Variants in GALNTL6 observed in about 807,000 individuals in gnomAD.
GALNTL6 encodes polypeptide N-acetylgalactosaminyltransferase like 6, also known as polypeptide N-acetylgalactosaminyltransferase-like 6.
In GALNTL6, 46 loss-of-function variants were observed where a neutral mutation model predicts 73.7. That is an observed-to-expected ratio of 0.62 (90% confidence interval 0.49 to 0.80). GALNTL6 has a LOEUF of 0.80. GALNTL6 is among the 30% of genes least tolerant of loss of function. The probability of loss-of-function intolerance (pLI) is 0.00; values close to 1 mark genes in which losing one functional copy is unlikely to be tolerated. For synonymous variants in GALNTL6, 259 were observed against 263.7 expected (o/e 0.98, Z 0.17); for missense variants, 604 against 755.0 (o/e 0.80, Z 2.34).
chr4:172,938,335 G>A (rs536749763), intron 9 of GALNTL6, among the ~76,000 whole-genome samples: 48 of 152,262 alleles, frequency 3.2e-4, no homozygotes, highest in African/African-American at 1.1e-3. Flanking sequence ...GTAAAAGCCA[G>A]ACCACCCCAA....
intron 2 of GALNTL6, among the ~76,000 whole-genome samples, chr4:171,823,891 C>G (rs1167836418): frequency 6.7e-6 from 1 of 150,248 alleles, no homozygotes; most frequent in Non-Finnish European, 1.5e-5. Context: ...CAACTAATAT[C>G]CAGTTGCCAA....
intron 10 of GALNTL6, among the ~76,000 whole-genome samples, chr4:172,981,797 T>C (rs1209511061): frequency 1.9e-5 from 1 of 52,136 alleles, no homozygotes; most frequent in East Asian, 6.2e-4. Context: ...TATGAACGTC[T>C]TTTTTTTTTT....
intron 2 of GALNTL6, among the ~76,000 whole-genome samples, chr4:172,097,286 C>G (rs1046132690): frequency 2.6e-5 from 4 of 152,174 alleles, no homozygotes; most frequent in African/African-American, 9.6e-5. Flanking sequence ...CAAATATCCA[C>G]GAAGTGCTAT....
intron 5 of GALNTL6, among the ~76,000 whole-genome samples, chr4:172,682,324 A>G (rs2111234040): frequency 6.6e-6 from 1 of 152,340 alleles, no homozygotes; most frequent in Non-Finnish European, 1.5e-5. Flanking sequence ...ATGGAGTTGT[A>G]TCTCATTAAA....
chr4:171,890,747 A>T (rs1736737381), intron 2 of GALNTL6, among the ~76,000 whole-genome samples: 1 of 152,178 alleles, frequency 6.6e-6, no homozygotes. Context: ...GAAATTAAAC[A>T]TTGAAATAAC....
At chr4:172,992,842 T>G (rs1398609205) in intron 10 of GALNTL6, among the ~76,000 whole-genome samples, 1 of 152,188 alleles carries the variant, frequency 6.6e-6, no homozygotes, top group Non-Finnish European at 1.5e-5. Flanking sequence ...ACAAAGGTCA[T>G]CGGATCGCTA....
chr4:172,185,000 A>G (rs1232031878), intron 2 of GALNTL6, among the ~76,000 whole-genome samples: 3 of 152,178 alleles, frequency 2.0e-5, no homozygotes, highest in Non-Finnish European at 4.4e-5. Context: ...TCCAATACAT[A>G]CAGTTGGGCA....
intron 5 of GALNTL6, among the ~76,000 whole-genome samples, chr4:172,720,357 G>A (rs954366775): frequency 2.0e-5 from 3 of 152,108 alleles, no homozygotes; most frequent in Admixed American, 6.5e-5. Flanking sequence ...CTTCCCGCCC[G>A]CCATTCAAAT....
intron 2 of GALNTL6, among the ~76,000 whole-genome samples, chr4:171,989,311 A>G (rs184708741): frequency 2.6e-4 from 39 of 152,320 alleles, no homozygotes; most frequent in African/African-American, 8.9e-4. Context: ...CGAAGCCGAG[A>G]AGATCTGGGA....
intron 2 of GALNTL6, among the ~76,000 whole-genome samples, chr4:171,998,302 G>A (rs1397531093): frequency 6.6e-6 from 1 of 152,106 alleles, no homozygotes; most frequent in Non-Finnish European, 1.5e-5. Flanking sequence ...TGGTTCATGT[G>A]ACTGTGGAGG....
At chr4:172,988,756 G>A (rs1439878881) in intron 10 of GALNTL6, among the ~76,000 whole-genome samples, 1 of 152,244 alleles carries the variant, frequency 6.6e-6, no homozygotes, top group Non-Finnish European at 1.5e-5. Flanking sequence ...TCCAGCTCCT[G>A]CTATAGCTAA....
At chr4:172,250,940 A>C (rs1737844545) in intron 3 of GALNTL6, among the ~76,000 whole-genome samples, 1 of 152,156 alleles carries the variant, frequency 6.6e-6, no homozygotes, top group Non-Finnish European at 1.5e-5. Flanking sequence ...GTCAATTTTT[A>C]TTGCCTTCTG....
intron 2 of GALNTL6, among the ~76,000 whole-genome samples, chr4:171,973,596 T>G (rs1579021037): frequency 6.6e-6 from 1 of 152,154 alleles, no homozygotes. Flanking sequence ...TATGAACTCA[T>G]CTTAACCTGA....
At chr4:172,057,311 G>T (rs935768114) in intron 2 of GALNTL6, among the ~76,000 whole-genome samples, 2 of 151,902 alleles carry the variant, frequency 1.3e-5, no homozygotes, top group Non-Finnish European at 2.9e-5. Flanking sequence ...CTACTCGAGA[G>T]GCTGAGGTGG....
At chr4:172,609,855 T>C (rs1194040807) in intron 5 of GALNTL6, among the ~76,000 whole-genome samples, 1 of 151,940 alleles carries the variant, frequency 6.6e-6, no homozygotes, top group East Asian at 1.9e-4. Context: ...ATATTTATTA[T>C]TGATTCAATT....
chr4:172,099,268 G>C (rs553732592), intron 2 of GALNTL6, among the ~76,000 whole-genome samples: 26 of 152,284 alleles, frequency 1.7e-4, no homozygotes, highest in African/African-American at 6.0e-4. Flanking sequence ...AGGGGAATGG[G>C]TGAGGAGTTA....
intron 5 of GALNTL6, among the ~76,000 whole-genome samples, chr4:172,512,241 G>T: frequency 1.8e-5 from 1 of 54,524 alleles, no homozygotes; most frequent in Middle Eastern, 0.01. Flanking sequence ...TATTTTGTCT[G>T]AGATAGAAAT....
rs368557145 is a variant in GALNTL6, at chr4:172,900,249, C to T, written c.1041+17342C>T. Among the ~76,000 whole-genome samples, 41 of 152,174 alleles carry T rather than the reference C, an allele frequency of 2.7e-4. No individual in the cohort carries two copies. In the South Asian group the frequency reaches 3.3e-3, roughly 12 times the overall value. On this transcript the variant is annotated intron_variant, in intron 8 of 12. Coordinates refer to ENST00000506823, the MANE Select transcript of GALNTL6 (RefSeq NM_001034845.3). ...TCATTTCATTTTATAGATGAAGAAA[C>T]TGAGATATAAAATTTTAAAGATTAT...
chr4:172,665,932 A>C (rs1731638214), intron 5 of GALNTL6, among the ~76,000 whole-genome samples: 1 of 152,164 alleles, frequency 6.6e-6, no homozygotes, highest in Non-Finnish European at 1.5e-5. Flanking sequence ...AAGTATTTAA[A>C]CAGAAAACTT....
Sources: allele counts gnomAD v4.1 joint callset (sites outside exome capture counted in the v4.1 genomes callset), GRCh38; gene constraint gnomAD v4.1.1; transcripts MANE v1.5; gene names NCBI Gene and HGNC (gene_info 2026-07-23, HGNC 2026-07-21).